SUPT3H: variants seen among roughly 807,000 people sequenced by gnomAD.
SUPT3H encodes transcription initiation protein SPT3 homolog.
Under a neutral mutation model 44.3 loss-of-function variants are expected in SUPT3H, and 44 were observed. The observed-to-expected ratio is 0.99, with a 90% confidence interval of 0.78 to 1.28. The LOEUF is 1.28. Ranked by LOEUF, SUPT3H falls within the 50% of genes most tolerant of loss-of-function variation. The pLI is 0.00. For missense variants in SUPT3H, 380 were observed against 387.1 expected (o/e 0.98, Z 0.15); for synonymous variants, 124 against 125.6 (o/e 0.99, Z 0.09).
At chr6:45,158,139 C>T (rs945682832) in intron 2 of SUPT3H, among the ~76,000 whole-genome samples, 3 of 144,900 alleles carry the variant, frequency 2.1e-5, no homozygotes, top group Admixed American at 7.0e-5. Context: ...CAACCCCTAA[C>T]AGAGTCACTT....
intron 10 of SUPT3H, among the ~76,000 whole-genome samples, chr6:44,844,377 G>C (rs775388293): frequency 4.6e-5 from 7 of 152,022 alleles, no homozygotes; most frequent in Non-Finnish European, 1.0e-4. Context: ...CGATAAATCA[G>C]ACTATGTCAA....
At chr6:45,348,861 T>C (rs1330803463) in intron 2 of SUPT3H, among the ~76,000 whole-genome samples, 1 of 152,192 alleles carries the variant, frequency 6.6e-6, no homozygotes, top group African/African-American at 2.4e-5. Flanking sequence ...GAACTCTCTT[T>C]GAGAGGCTTT....
At chr6:45,336,877 G>A (rs965639087) in intron 2 of SUPT3H, among the ~76,000 whole-genome samples, 6 of 151,282 alleles carry the variant, frequency 4.0e-5, no homozygotes, top group African/African-American at 1.2e-4. Flanking sequence ...TTTTGATCCA[G>A]AAACATCTTA....
chr6:45,224,028 TATATC>T (rs1289722100), intron 2 of SUPT3H, among the ~76,000 whole-genome samples: 1 of 148,636 alleles, frequency 6.7e-6, no homozygotes, highest in Non-Finnish European at 1.5e-5. Flanking sequence ...AAATATAAAA[TATATC>T]ATAATGTACC....
intron 3 of SUPT3H, among the ~76,000 whole-genome samples, chr6:45,050,755 A>G (rs1790150459): frequency 1.3e-5 from 2 of 152,148 alleles, no homozygotes; most frequent in Admixed American, 1.3e-4. Context: ...TCAAATACTT[A>G]GAAACTTGAT....
At chr6:44,997,156 T>A (rs957470133) in intron 6 of SUPT3H, among the ~76,000 whole-genome samples, 5 of 151,788 alleles carry the variant, frequency 3.3e-5, no homozygotes, top group Admixed American at 2.6e-4. Context: ...CTATCCTAAT[T>A]TTTTATAACT....
intron 4 of SUPT3H, among the ~76,000 whole-genome samples, chr6:45,015,551 A>C (rs1255629493): frequency 1.3e-5 from 2 of 152,046 alleles, no homozygotes. Context: ...CACTACATTT[A>C]AAATTTTTCT....
chr6:45,175,615 T>C (rs1397939649), intron 2 of SUPT3H, among the ~76,000 whole-genome samples: 1 of 152,162 alleles, frequency 6.6e-6, no homozygotes, highest in Non-Finnish European at 1.5e-5. Context: ...CTAGCAGCAG[T>C]ACTCATGAGT....
At chr6:45,108,863 G>C (rs1456660342) in intron 2 of SUPT3H, among the ~76,000 whole-genome samples, 1 of 151,922 alleles carries the variant, frequency 6.6e-6, no homozygotes, top group Non-Finnish European at 1.5e-5. Flanking sequence ...AACTATAAAA[G>C]TATTGGAAAA....
chr6:44,868,688 C>G (rs1775890554), intron 10 of SUPT3H, among the ~76,000 whole-genome samples: 1 of 152,194 alleles, frequency 6.6e-6, no homozygotes, highest in African/African-American at 2.4e-5. Flanking sequence ...CTGTCTTCCC[C>G]TCTTTGGAGC....
intron 6 of SUPT3H, among the ~76,000 whole-genome samples, chr6:44,997,461 T>C (rs1202320656): frequency 7.9e-5 from 12 of 151,848 alleles, no homozygotes; most frequent in Non-Finnish European, 8.8e-5. Flanking sequence ...TACTATTGAA[T>C]ATTACTGAAT....
At chr6:45,181,122 C>T (rs1451123517) in intron 2 of SUPT3H, among the ~76,000 whole-genome samples, 3 of 148,444 alleles carry the variant, frequency 2.0e-5, no homozygotes, top group Non-Finnish European at 4.5e-5. Flanking sequence ...AAAATGCTCA[C>T]CATCGCTGGC....
chr6:45,141,229 A>G (rs1251445026), intron 2 of SUPT3H, among the ~76,000 whole-genome samples: 1 of 150,820 alleles, frequency 6.6e-6, no homozygotes, highest in Non-Finnish European at 1.5e-5. Flanking sequence ...AATCCCAGCT[A>G]CTCAGGAGGC....
chr6:44,861,609 A>G (rs909847303), intron 10 of SUPT3H, among the ~76,000 whole-genome samples: 1 of 151,440 alleles, frequency 6.6e-6, no homozygotes, highest in Admixed American at 6.6e-5. Context: ...CTGGTCTTCA[A>G]CTCCCGACCT....
intron 2 of SUPT3H, among the ~76,000 whole-genome samples, chr6:45,139,577 T>G (rs974841173): frequency 6.6e-5 from 10 of 152,064 alleles, no homozygotes; most frequent in African/African-American, 1.9e-4. Flanking sequence ...GTTCCCAAAG[T>G]GTGAGAGGGG....
intron 2 of SUPT3H, among the ~76,000 whole-genome samples, chr6:45,257,422 G>C (rs1299436285): frequency 6.6e-6 from 1 of 152,090 alleles, no homozygotes; most frequent in Non-Finnish European, 1.5e-5. Context: ...CATTTCCAGA[G>C]AGTCTGTTTT....
chr6:45,254,080 A>T (rs1219285111), intron 2 of SUPT3H, among the ~76,000 whole-genome samples: 1 of 151,938 alleles, frequency 6.6e-6, no homozygotes, highest in Non-Finnish European at 1.5e-5. Context: ...ATATCTTTAA[A>T]TGAGTATTAC....
At chr6:44,913,168 T>C (rs559396457) in intron 10 of SUPT3H, among the ~76,000 whole-genome samples, 2 of 152,318 alleles carry the variant, frequency 1.3e-5, no homozygotes, top group South Asian at 4.1e-4. Flanking sequence ...CATCTCTATC[T>C]GCATAATGGA....
intron 3 of SUPT3H, among the ~76,000 whole-genome samples, chr6:45,079,000 G>C (rs192009437): frequency 1.3e-5 from 2 of 152,128 alleles, no homozygotes; most frequent in Admixed American, 6.5e-5. Context: ...TACTTGGGAA[G>C]TTTTCAGCTA....
Sources: allele counts gnomAD v4.1 joint callset (sites outside exome capture counted in the v4.1 genomes callset), GRCh38; gene constraint gnomAD v4.1.1; transcripts MANE v1.5; gene names NCBI Gene and HGNC (gene_info 2026-07-23, HGNC 2026-07-21).